Variants in RIMBP2 observed in about 807,000 individuals in gnomAD.
The protein encoded by RIMBP2 is RIMS-binding protein 2.
Under a neutral mutation model 118.6 loss-of-function variants are expected in RIMBP2, and 48 were observed. That is an observed-to-expected ratio of 0.40 (90% CI 0.32 to 0.51). RIMBP2 has a LOEUF of 0.51. Ranked by LOEUF, RIMBP2 falls within the 20% of genes least tolerant of loss-of-function variation. The pLI is 0.41. For missense variants in RIMBP2, 1,551 were observed against 1,768.3 expected (o/e 0.88, Z 2.20); for synonymous variants, 762 against 742.9 (o/e 1.03, Z -0.42).
At chr12:130,533,014 G>T (rs1035625225) in intron 2 of RIMBP2, among the ~76,000 whole-genome samples, 5 of 114,530 alleles carry the variant, frequency 4.4e-5, no homozygotes, top group Non-Finnish European at 7.6e-5. Flanking sequence ...CTCTAGGATG[G>T]ACGTCTAATG....
chr12:130,692,914 G>A (rs2065391388), intron 1 of RIMBP2, among the ~76,000 whole-genome samples: 1 of 151,820 alleles, frequency 6.6e-6, no homozygotes, highest in Non-Finnish European at 1.5e-5. Flanking sequence ...GGTAGGGTAG[G>A]ATAGGGTAGA....
At position 130,622,905 on chromosome 12, in the gene RIMBP2, T is replaced by C. The variant is rs775578723; in HGVS notation, c.-217+5417A>G. On this transcript the variant is annotated intron_variant, in intron 2 of 22. Coordinates refer to ENST00000690449, the MANE Select transcript of RIMBP2 (RefSeq NM_001393629.1). This position sits in a 1 kb window ranked among gnomAD's most constrained non-coding sequence, Gnocchi z 8.5. ...GCTCATGGCATCGAGTAAACAGTTC[T>C]TGCCTACTAAGCCCTGCAGGTAGGA... is the stretch of plus-strand genomic sequence containing the variant. Among the ~76,000 whole-genome samples, 1 of 152,246 alleles carries C rather than the reference T, an allele frequency of 6.6e-6. No individual in the cohort carries two copies. The highest frequency in any genetic ancestry group is 1.9e-4 in the East Asian group (1 of 5,202).
At chr12:130,657,447 G>A (rs2063476316) in intron 1 of RIMBP2, among the ~76,000 whole-genome samples, 1 of 152,188 alleles carries the variant, frequency 6.6e-6, no homozygotes, top group Non-Finnish European at 1.5e-5. Flanking sequence ...GCCCCGGGAG[G>A]AGAAAGAAAA....
At chr12:130,494,807 G>A (rs1466358319) in intron 4 of RIMBP2, among the ~76,000 whole-genome samples, 1 of 152,158 alleles carries the variant, frequency 6.6e-6, no homozygotes. Context: ...ATGCATTTGT[G>A]ACCGCTGGGT....
At chr12:130,467,878 C>T (rs2080637800) in intron 6 of RIMBP2, among the ~76,000 whole-genome samples, 1 of 152,184 alleles carries the variant, frequency 6.6e-6, no homozygotes, top group Non-Finnish European at 1.5e-5. Flanking sequence ...TTAACATTGG[C>T]CATGTCCTGA....
intron 2 of RIMBP2, among the ~76,000 whole-genome samples, chr12:130,588,962 T>G (rs1337453065): frequency 2.0e-5 from 3 of 152,218 alleles, no homozygotes; most frequent in Non-Finnish European, 4.4e-5. Context: ...AGGAATTCCT[T>G]ATGAAATTAA....
At chr12:130,646,404 T>TCGCCAC (rs2062961331) in intron 1 of RIMBP2, among the ~76,000 whole-genome samples, 1 of 135,060 alleles carries the variant, frequency 7.4e-6, no homozygotes, top group East Asian at 2.3e-4. Context: ...ACCACCTGCC[T>TCGCCAC]CTCCACCTCC....
rs189995622 is a variant in RIMBP2, at chr12:130,688,854, G to A, written c.-352+27368C>T. Among the ~76,000 whole-genome samples the A allele has an allele frequency of 6.6e-6, 1 of 152,346 alleles. No homozygotes were observed. The highest frequency in any genetic ancestry group is 1.9e-4 in the East Asian group (1 of 5,182). ...GAACCAAGTCTAAACTCTGCAAAAC[G>A]CTGGCTGAAACGTGGGCCTCACGTT... On this transcript the variant is annotated intron_variant, in intron 1 of 22. Coordinates refer to ENST00000690449, the MANE Select transcript of RIMBP2 (RefSeq NM_001393629.1). The surrounding 1 kb of genome is among the most constrained non-coding windows in gnomAD (Gnocchi z 4.7).
At chr12:130,673,432 AG>A (rs764671659) in intron 1 of RIMBP2, among the ~76,000 whole-genome samples, 2 of 152,230 alleles carry the variant, frequency 1.3e-5, no homozygotes, top group Non-Finnish European at 2.9e-5. Context: ...GAGGCACTGA[AG>A]AACCTTGTGA....
At position 130,442,146 on chromosome 12, in the gene RIMBP2, C is replaced by A. The variant is rs761808424; in HGVS notation, c.1206G>T (p.Leu402=). The A allele has an allele frequency of 6.2e-7, 1 of 1,614,152 alleles. No homozygotes were observed. Among genetic ancestry groups the A allele is most frequent in the Admixed American group, 1.7e-5 (1 of 60,028 alleles). The change falls in exon 11 of 23, where the codon CTG becomes CTT. Residue 402 remains leucine, a synonymous_variant. Transcript: ENST00000690449. This position sits in a 1 kb window ranked among gnomAD's most constrained non-coding sequence, Gnocchi z 6.9. The stretch of plus-strand genomic sequence containing the variant: ...GGGCCACCACCACGTCCTTGCCCAC[C>A]AGCAGCGTGCACTGCAGCTCATCCG... ...GSSDELQCTL[L]VGKDVVVAPS...
In RIMBP2 at chr12:130,442,084, G is replaced by A; in HGVS notation, c.1268C>T (p.Ser423Phe). Residue 423 changes from serine (S) to phenylalanine (F), a missense_variant, in exon 11 of 23, where the codon TCC becomes TTC. Transcript: ENST00000690449. The surrounding 1 kb of genome is among the most constrained non-coding windows in gnomAD (Gnocchi z 6.9). ...HLRVDNITQI[S>F]AQLSWLPTNS... ...GGTGGGTAGCCAGGAGAGCTGGGCG[G>A]AGATCTGCGTGATGTTGTCCACCCG... is the stretch of plus-strand genomic sequence containing the variant. 6.2e-7 allele frequency: 1 copy of A among 1,614,178 alleles called. No homozygotes were observed. Among genetic ancestry groups the A allele is most frequent in the Non-Finnish European group, 8.5e-7 (1 of 1,180,042 alleles).
intron 1 of RIMBP2, among the ~76,000 whole-genome samples, chr12:130,689,231 G>A (rs1056520107): frequency 2.0e-5 from 3 of 152,064 alleles, no homozygotes; most frequent in Admixed American, 6.6e-5. Flanking sequence ...TCAGGAGTTC[G>A]AGCCCAGCCT....
rs886462924 is a variant in RIMBP2 at position 130,617,323 on chromosome 12, C to T, written c.-217+10999G>A. On this transcript the variant is annotated intron_variant, in intron 2 of 22. Coordinates refer to ENST00000690449, the MANE Select transcript of RIMBP2 (RefSeq NM_001393629.1). This position sits in a 1 kb window ranked among gnomAD's most constrained non-coding sequence, Gnocchi z 4.6. ...CCCAGGTCCATCCTCATGCAAATGG[C>T]GTCATCCCTGCCCTTTGCCTCTCAC... is the stretch of plus-strand genomic sequence containing the variant. Among the ~76,000 whole-genome samples, 10 of 152,204 alleles carry T rather than the reference C, an allele frequency of 6.6e-5. No homozygotes were observed. The highest frequency in any genetic ancestry group is 2.6e-4 in the Admixed American group (4 of 15,286).
At chr12:130,593,379 C>G (rs7301578) in intron 2 of RIMBP2, among the ~76,000 whole-genome samples, 127,233 of 152,280 alleles carry the variant, frequency 0.84, 53,166 homozygotes, top group South Asian at 0.88. Flanking sequence ...CACAGTGCCC[C>G]GCACAGGGAA....
At chr12:130,707,929 GGA>G (rs144823670) in intron 1 of RIMBP2, among the ~76,000 whole-genome samples, 2 of 151,742 alleles carry the variant, frequency 1.3e-5, no homozygotes, top group African/African-American at 4.8e-5. Context: ...TGAGAGAGAG[GGA>G]GAGAGAGAGA....
chr12:130,473,264 T>C (rs1404320232), intron 5 of RIMBP2, among the ~76,000 whole-genome samples: 1 of 152,164 alleles, frequency 6.6e-6, no homozygotes, highest in East Asian at 1.9e-4. Flanking sequence ...GCGAGGCTCA[T>C]TTAGGGGCCA....
At chr12:130,473,693 C>T (rs1045578392) in intron 5 of RIMBP2, among the ~76,000 whole-genome samples, 49 of 152,232 alleles carry the variant, frequency 3.2e-4, no homozygotes, top group African/African-American at 1.2e-3. Flanking sequence ...ACAGGAGTTC[C>T]GCAGAGCTGA....
intron 4 of RIMBP2, among the ~76,000 whole-genome samples, chr12:130,483,487 G>A (rs189376541): frequency 6.6e-6 from 1 of 152,344 alleles, no homozygotes; most frequent in East Asian, 1.9e-4. Context: ...CAAAGGGGAT[G>A]GGAGCTGCAG....
intron 2 of RIMBP2, among the ~76,000 whole-genome samples, chr12:130,610,724 C>T (rs138211976): frequency 6.6e-6 from 1 of 151,402 alleles, no homozygotes; most frequent in African/African-American, 2.4e-5. Context: ...CCACGCCCGG[C>T]TAATTTTTTG....
Sources: gnomAD v4.1 joint callset for allele counts (sites outside exome capture counted in the v4.1 genomes callset) on GRCh38, gnomAD v4.1.1 for gene constraint, Gnocchi (gnomAD v3.1) non-coding constraint, MANE v1.5 for transcripts, NCBI Gene and HGNC (gene_info 2026-07-23, HGNC 2026-07-21) for gene names.